Variants in FLT3 observed in about 807,000 individuals in gnomAD.
The protein encoded by FLT3 is fms related receptor tyrosine kinase 3.
FLT3 carries 46 observed loss-of-function variants against 126.6 expected under a neutral mutation model. The ratio of observed to expected loss-of-function variants is 0.36; its 90% CI spans 0.29 to 0.46. The LOEUF is 0.46. Among genes scored for constraint, FLT3 ranks in the 20% least tolerant of loss-of-function variants. The probability of loss-of-function intolerance (pLI) is 1.00; values close to 1 mark genes in which losing one functional copy is unlikely to be tolerated. For missense variants in FLT3, 1,069 were observed against 1,190.3 expected, an observed-to-expected ratio of 0.90 and a Z score of 1.50; for synonymous variants, 404 against 434.4, an observed-to-expected ratio of 0.93 and a Z score of 0.87.
intron 3 of FLT3, among the ~76,000 whole-genome samples, chr13:28,058,039 CA>C (rs1039362902): frequency 1.4e-5 from 2 of 147,946 alleles, no homozygotes; most frequent in Non-Finnish European, 3.0e-5. Context: ...AACTCCGTCT[CA>C]AAAAAAAACT....
At chr13:28,069,796 A>G (rs1460450014) in intron 2 of FLT3, among the ~76,000 whole-genome samples, 1 of 152,148 alleles carries the variant, frequency 6.6e-6, no homozygotes, top group African/African-American at 2.4e-5. Flanking sequence ...TAGGTATTAT[A>G]AGTAATCTAG....
chr13:28,063,347 G>GTAGGCGCCTGTA (rs908404221), intron 2 of FLT3, among the ~76,000 whole-genome samples: 1 of 152,134 alleles, frequency 6.6e-6, no homozygotes, highest in African/African-American at 2.4e-5. Flanking sequence ...GGGTGTGGTG[G>GTAGGCGCCTGTA]TAGGCGCCTG....
At chr13:28,073,686 C>T (rs367918514) in intron 1 of FLT3, among the ~76,000 whole-genome samples, 14 of 152,152 alleles carry the variant, frequency 9.2e-5, no homozygotes, top group East Asian at 5.8e-4. Flanking sequence ...GTAATCCCAG[C>T]GCTTTGGGAG....
At position 28,009,822 on chromosome 13, in the gene FLT3, A is replaced by G. The variant is rs571881032; in HGVS notation, c.2859+4630T>C. 6.6e-5 allele frequency among the ~76,000 whole-genome samples: 10 copies of G among 152,248 alleles called. No individual in the cohort carries two copies. In the South Asian group the frequency reaches 2.1e-3, roughly 32 times the overall value. ...ATCTATGTTTGTGCCTCAGCCTCCCAGAGTGCTGGGATTATCAGTGTCAGC... is the reference window on the plus strand; with the variant it reads ...ATCTATGTTTGTGCCTCAGCCTCCCGGAGTGCTGGGATTATCAGTGTCAGC... On this transcript the variant is annotated intron_variant, in intron 23 of 23. Coordinates refer to ENST00000241453, the MANE Select transcript of FLT3 (RefSeq NM_004119.3).
chr13:28,029,925 C>T (rs542997029), intron 15 of FLT3, among the ~76,000 whole-genome samples: 6 of 152,280 alleles, frequency 3.9e-5, no homozygotes, highest in Admixed American at 3.3e-4. Context: ...CAAGGGCTCC[C>T]GTCATTGCGG....
chr13:28,031,886 A>T (rs1001843044), intron 15 of FLT3, among the ~76,000 whole-genome samples: 12 of 152,178 alleles, frequency 7.9e-5, no homozygotes, highest in Non-Finnish European at 1.2e-4. Flanking sequence ...CGCCACTGTC[A>T]CTTGGACCTC....
intron 15 of FLT3, among the ~76,000 whole-genome samples, chr13:28,031,905 G>A (rs1452303601): frequency 2.0e-5 from 3 of 152,194 alleles, no homozygotes; most frequent in African/African-American, 7.2e-5. Context: ...TCAGTATGGA[G>A]AAGCCAAAGG....
intron 1 of FLT3, among the ~76,000 whole-genome samples, chr13:28,085,741 C>T (rs954237186): frequency 1.3e-5 from 2 of 150,570 alleles, no homozygotes; most frequent in East Asian, 1.9e-4. Flanking sequence ...ACATCATTAC[C>T]TCTGGCTCTC....
chr13:28,073,878 T>G (rs1481697702), intron 1 of FLT3, among the ~76,000 whole-genome samples: 1 of 145,402 alleles, frequency 6.9e-6, no homozygotes, highest in Non-Finnish European at 1.5e-5. Flanking sequence ...AGTTTGAAGC[T>G]GCAATGAGCT....
Position 28,042,903 on chromosome 13 carries a change from C to T in FLT3, c.1205+5372G>A, listed in dbSNP as rs1480878542. Among the ~76,000 whole-genome samples the T allele has an allele frequency of 3.3e-5, 5 of 151,980 alleles. No homozygotes were observed. In the East Asian group the frequency reaches 9.7e-4, roughly 29 times the overall value. On this transcript the variant is annotated intron_variant, in intron 9 of 23. Coordinates refer to ENST00000241453, the MANE Select transcript of FLT3 (RefSeq NM_004119.3). ...AAAAAAAAAAAAAACAACTCCTCTC[C>T]CAGGCTCCATAATCTTCTGCAATTG...
At chr13:28,093,318 G>A (rs1019375227) in intron 1 of FLT3, among the ~76,000 whole-genome samples, 4 of 151,700 alleles carry the variant, frequency 2.6e-5, no homozygotes, top group African/African-American at 4.8e-5. Context: ...CATGTAGCTG[G>A]GACTACAGGC....
chr13:28,017,839 T>G (rs1593219431), intron 20 of FLT3, among the ~76,000 whole-genome samples: 2 of 152,056 alleles, frequency 1.3e-5, no homozygotes, highest in Non-Finnish European at 2.9e-5. Context: ...TAATTTTTTG[T>G]ATTTTCAGTA....
intron 20 of FLT3, 49 bp from the exon 21 acceptor site, chr13:28,015,750 C>T: frequency 9.3e-7 from 1 of 1,081,026 alleles, no homozygotes; most frequent in Non-Finnish European, 1.4e-6. Flanking sequence ...CACATACAGA[C>T]ATGACTTCTT....
intron 22 of FLT3, 80 bp downstream of exon 22, chr13:28,015,077 C>T: frequency 1.2e-6 from 1 of 861,452 alleles, no homozygotes; most frequent in Non-Finnish European, 1.9e-6. Flanking sequence ...AGGAGTTTGA[C>T]TTTTTTTGGT....
At chr13:28,032,400 A>C (rs1873423835) in intron 15 of FLT3, among the ~76,000 whole-genome samples, 1 of 152,228 alleles carries the variant, frequency 6.6e-6, no homozygotes, top group South Asian at 2.1e-4. Flanking sequence ...GATGCCCCAT[A>C]AAAAGCTGGA....
At chr13:28,027,044 C>T (rs762768197) in intron 17 of FLT3, 44 bp downstream of exon 17, 7 of 1,568,096 alleles carry the variant, frequency 4.5e-6, no homozygotes, top group East Asian at 2.2e-5. Flanking sequence ...ACTTTGCCTA[C>T]GTTCTATGAT....
At chr13:28,055,414 T>G (rs1392912451) in intron 4 of FLT3, among the ~76,000 whole-genome samples, 1 of 152,248 alleles carries the variant, frequency 6.6e-6, no homozygotes, top group African/African-American at 2.4e-5. Context: ...TATTCATCTT[T>G]AAAAAAGTAG....
rs1226989114 is a variant in FLT3, at chr13:28,011,361, G to GGGGAA, written c.2859+3090_2859+3091insTTCCC. 4.0e-5 allele frequency among the ~76,000 whole-genome samples: 6 copies of GGGGAA among 151,074 alleles called. No individual in the cohort carries two copies. In the East Asian group the frequency reaches 1.2e-3, roughly 30 times the overall value. Reference sequence around the variant, plus strand: ...GGGGAGGGGAGGGGAGGGGAGGGGAGGAGAGAAGATTCTACAAAACCTTTC... The same window carrying GGGGAA: ...GGGGAGGGGAGGGGAGGGGAGGGGAGGGGAAGAGAGAAGATTCTACAAAACCTTTC... On this transcript the variant is annotated intron_variant, in intron 23 of 23. Transcript: ENST00000241453.
chr13:28,100,263 C>A lies in FLT3; in HGVS notation c.43+205G>T, dbSNP rs928095541. 6.6e-6 allele frequency among the ~76,000 whole-genome samples: 1 copy of A among 152,002 alleles called. No individual in the cohort carries two copies. Among genetic ancestry groups the A allele is most frequent in the Non-Finnish European group, 1.5e-5 (1 of 67,982 alleles). On this transcript the variant is annotated intron_variant, in intron 1 of 23. Coordinates refer to ENST00000241453, the MANE Select transcript of FLT3 (RefSeq NM_004119.3). This position sits in a 1 kb window ranked among gnomAD's most constrained non-coding sequence, Gnocchi z 4.8. ...ACTTCGGAGAAGAGGGAAGAGGACGCGGGGTGGGAAACGCCGGGGCCGCAG... is the reference window on the plus strand; with the variant it reads ...ACTTCGGAGAAGAGGGAAGAGGACGAGGGGTGGGAAACGCCGGGGCCGCAG...
Sources: gnomAD v4.1 joint callset for allele counts (sites outside exome capture counted in the v4.1 genomes callset) on GRCh38, gnomAD v4.1.1 for gene constraint, Gnocchi (gnomAD v3.1) non-coding constraint, MANE v1.5 for transcripts, NCBI Gene and HGNC (gene_info 2026-07-23, HGNC 2026-07-21) for gene names.